UBQLN1: variants seen among roughly 807,000 people sequenced by gnomAD.
The protein encoded by UBQLN1 is ubiquilin-1.
In UBQLN1, 13 loss-of-function variants were observed where a neutral mutation model predicts 65.4. The ratio of observed to expected loss-of-function variants is 0.20; its 90% CI spans 0.13 to 0.32. The LOEUF (loss-of-function observed/expected upper bound fraction) is 0.32, where lower values mean the gene tolerates loss of function less well. Ranked by LOEUF, UBQLN1 falls within the 10% of genes least tolerant of loss-of-function variation. The pLI is 1.00. For missense variants in UBQLN1, 561 were observed against 724.0 expected, an observed-to-expected ratio of 0.77 and a Z score of 2.58; for synonymous variants, 267 against 247.8, an observed-to-expected ratio of 1.08 and a Z score of -0.73.
chr9:83,662,273 T>TAC (rs370539805), intron 10 of UBQLN1, among the ~76,000 whole-genome samples: 1,945 of 143,326 alleles, frequency 0.014, 18 homozygotes, highest in Admixed American at 0.018. Context: ...CATATACATA[T>TAC]ACACACACAC....
intron 1 of UBQLN1, among the ~76,000 whole-genome samples, chr9:83,689,105 A>C (rs980080629): frequency 6.6e-6 from 1 of 151,896 alleles, no homozygotes; most frequent in Non-Finnish European, 1.5e-5. Flanking sequence ...ACTTCCAACC[A>C]TAAGAAACCA....
intron 1 of UBQLN1, among the ~76,000 whole-genome samples, chr9:83,705,765 A>G (rs375755625): frequency 6.1e-4 from 93 of 152,336 alleles, no homozygotes; most frequent in African/African-American, 2.2e-3. Context: ...AAAACTACAC[A>G]CTAATAAAAA....
intron 10 of UBQLN1, among the ~76,000 whole-genome samples, chr9:83,663,156 G>C (rs1165737826): frequency 1.3e-5 from 2 of 151,090 alleles, no homozygotes; most frequent in Admixed American, 1.3e-4. Context: ...AGGGAAAGGG[G>C]AAGAGGAAGG....
intron 3 of UBQLN1, among the ~76,000 whole-genome samples, chr9:83,680,259 T>C (rs1346487957): frequency 2.0e-5 from 3 of 152,150 alleles, no homozygotes; most frequent in Non-Finnish European, 4.4e-5. Flanking sequence ...ATCAACAAAA[T>C]ATATTTTCAT....
chr9:83,668,563 AT>A, intron 7 of UBQLN1: 2 of 985,554 alleles, frequency 2.0e-6, no homozygotes, highest in Non-Finnish European at 2.4e-6. Context: ...GGTACTGTCT[AT>A]AAAGCTTCCC....
At chr9:83,704,681 C>T (rs907236298) in intron 1 of UBQLN1, among the ~76,000 whole-genome samples, 18 of 151,760 alleles carry the variant, frequency 1.2e-4, no homozygotes, top group Admixed American at 5.9e-4. Context: ...GAAAATTAGC[C>T]GGGTGTGGTG....
chr9:83,707,637 C>T lies in UBQLN1; in HGVS notation c.43G>A (p.Asp15Asn). 1 of 1,573,314 alleles carries T rather than the reference C, an allele frequency of 6.4e-7. No individual in the cohort carries two copies. Among genetic ancestry groups the T allele is most frequent in the Non-Finnish European group, 8.6e-7 (1 of 1,160,304 alleles). Reference protein sequence around the residue: ...GESGGPPGSQDSAAGAEGAGA... With the variant: ...GESGGPPGSQNSAAGAEGAGA... ...GCACCTTCGGCTCCGGCGGCGCTAT[C>T]CTGGGAGCCCGGAGGACCGCCGCTT... Residue 15 changes from aspartate (D) to asparagine (N), a missense_variant, in exon 1 of 11, where the codon GAT becomes AAT. Coordinates refer to ENST00000376395, the MANE Select transcript of UBQLN1 (RefSeq NM_013438.5).
At chr9:83,678,222 CGTATTAGCCAGGA>C in intron 5 of UBQLN1, among the ~76,000 whole-genome samples, 1 of 152,132 alleles carries the variant, frequency 6.6e-6, no homozygotes, top group East Asian at 1.9e-4. Flanking sequence ...GGGATTTCAC[CGTATTAGCCAGGA>C]TGGTCTTGAT....
intron 1 of UBQLN1, among the ~76,000 whole-genome samples, chr9:83,705,540 G>C (rs1307320772): frequency 6.6e-6 from 1 of 152,148 alleles, no homozygotes; most frequent in African/African-American, 2.4e-5. Flanking sequence ...ACCGCATCCG[G>C]CCCAGAAGCA....
intron 1 of UBQLN1, among the ~76,000 whole-genome samples, chr9:83,691,323 A>C (rs916955519): frequency 5.3e-5 from 8 of 152,156 alleles, no homozygotes; most frequent in Non-Finnish European, 1.2e-4. Flanking sequence ...GATAATCACC[A>C]AAGGCTAAAA....
chr9:83,667,495 A>T, intron 7 of UBQLN1: 1 of 985,398 alleles, frequency 1.0e-6, no homozygotes, highest in Non-Finnish European at 1.2e-6. Context: ...ACAAAAGCAG[A>T]TGTCAGACAA....
At position 83,677,764 on chromosome 9, in the gene UBQLN1, C is replaced by T; in HGVS notation, c.1068G>A (p.Gln356=). The T allele has an allele frequency of 6.2e-7, 1 of 1,614,054 alleles. No homozygotes were observed. The highest frequency in any genetic ancestry group is 8.5e-7 in the Non-Finnish European group (1 of 1,179,996). Residue 356 remains glutamine, a synonymous_variant, in exon 6 of 11, where the codon CAG becomes CAA. Coordinates refer to ENST00000376395, the MANE Select transcript of UBQLN1 (RefSeq NM_013438.5). The stretch of plus-strand genomic sequence containing the variant: ...GCACCAAATTTGGCGCAGTAGTACT[C>T]TGCCCAGAAGTGCCACTGGCAGTAC... ...TGSTASGTSG[Q]STTAPNLVPG...
At position 83,660,130 on chromosome 9, in the gene UBQLN1, A is replaced by C. The variant is rs1831540413; in HGVS notation, c.*1657T>G. ...AAGACACATGAATACCCTTCTTAAC[A>C]ATCTCTTCTACTTATGCCTCCACCG... On this transcript the variant is annotated 3_prime_UTR_variant, in exon 11 of 11. Transcript: ENST00000376395. The C allele has an allele frequency of 6.6e-6, 1 of 152,388 alleles. No homozygotes were observed. The highest frequency in any genetic ancestry group is 2.1e-4 in the South Asian group (1 of 4,838). 9.4% of individuals were successfully genotyped at this position (152,388 alleles called of 1,614,324 possible).
intron 6 of UBQLN1, among the ~76,000 whole-genome samples, chr9:83,675,758 G>T (rs771812720): frequency 5.3e-5 from 8 of 152,140 alleles, no homozygotes; most frequent in Non-Finnish European, 1.0e-4. Flanking sequence ...GAATGAGTAC[G>T]TATTTTGAAT....
chr9:83,679,666 T>C (rs1478236824), intron 4 of UBQLN1, 109 bp downstream of exon 4: 1 of 1,202,196 alleles, frequency 8.3e-7, no homozygotes, highest in Non-Finnish European at 1.1e-6. Flanking sequence ...GATAAGGATT[T>C]CTCTCTTTAG....
chr9:83,702,248 T>G (rs956861969), intron 1 of UBQLN1, among the ~76,000 whole-genome samples: 6 of 152,322 alleles, frequency 3.9e-5, no homozygotes, highest in Middle Eastern at 3.4e-3. Context: ...GTGAATGTAT[T>G]ACATCAATTA....
intron 7 of UBQLN1, chr9:83,668,679 T>A (rs1464192077): frequency 1.0e-6 from 1 of 970,064 alleles, no homozygotes; most frequent in Non-Finnish European, 1.2e-6. Flanking sequence ...GGGACCTGTA[T>A]ACGATTTTCA....
intron 1 of UBQLN1, among the ~76,000 whole-genome samples, chr9:83,698,533 G>A (rs1832258056): frequency 6.6e-6 from 1 of 152,146 alleles, no homozygotes; most frequent in Admixed American, 6.5e-5. Context: ...TAGCCAAAAG[G>A]TGGAAGCAAC....
Position 83,679,934 on chromosome 9 carries a change from T to A in UBQLN1, c.552A>T (p.Glu184Asp). 6.2e-7 allele frequency: 1 copy of A among 1,614,154 alleles called. No individual in the cohort carries two copies. Among genetic ancestry groups the A allele is most frequent in the South Asian group, 1.1e-5 (1 of 91,086 alleles). ...QMQRQLLSNP[E>D]MMVQIMENPF... is the part of the protein sequence containing the mutation. ...GATTTTCCATGATCTGGACCATCAT[T>A]TCAGGGTTAGACAAAAGTTGTCGCT... The change falls in exon 4 of 11, where the codon GAA becomes GAT. Residue 184 changes from glutamate (E) to aspartate (D), a missense_variant. Around this residue, in one of 8 missense-constraint regions of UBQLN1, gnomAD observed 87 missense variants for 88.8 expected, o/e 0.98. Coordinates refer to ENST00000376395, the MANE Select transcript of UBQLN1 (RefSeq NM_013438.5).
Sources: allele counts gnomAD v4.1 joint callset (sites outside exome capture counted in the v4.1 genomes callset), GRCh38; gene constraint gnomAD v4.1.1; regional missense constraint gnomAD v4.1.1; transcripts MANE v1.5; gene names NCBI Gene and HGNC (gene_info 2026-07-23, HGNC 2026-07-21).